The following SPATA3 variants were observed in gnomAD, a reference collection of about 807,000 sequenced individuals.
The protein encoded by SPATA3 is spermatogenesis associated 3.
Under a neutral mutation model 5.7 loss-of-function variants are expected in SPATA3, and 6 were observed. The ratio of observed to expected loss-of-function variants is 1.06; its 90% CI spans 0.58 to 2.09. SPATA3 has a LOEUF of 2.09. Ranked by LOEUF, SPATA3 falls within the 30% of genes most tolerant of loss-of-function variation. SPATA3 has a pLI of 0.00. For missense variants in SPATA3, 155 were observed against 130.4 expected, an observed-to-expected ratio of 1.19 and a Z score of -0.92; for synonymous variants, 44 against 48.4, an observed-to-expected ratio of 0.91 and a Z score of 0.37.
At chr2:231,014,457 G>A (rs959399320) in intron 6 of SPATA3, among the ~76,000 whole-genome samples, 6 of 152,234 alleles carry the variant, frequency 3.9e-5, no homozygotes, top group African/African-American at 9.6e-5. Flanking sequence ...TATGCACTGC[G>A]ACTCACCCTC....
At chr2:231,006,001 A>C (rs1275283833), downstream of SPATA3, among the ~76,000 whole-genome samples, 2 of 14,442 alleles carry the variant, frequency 1.4e-4, no homozygotes, top group Non-Finnish European at 2.6e-4. Context: ...TTGTCTCTAC[A>C]AAAAAAAAAA....
intron 6 of SPATA3, among the ~76,000 whole-genome samples, chr2:231,015,791 C>G (rs1159361161): frequency 6.6e-6 from 1 of 152,238 alleles, no homozygotes; most frequent in East Asian, 1.9e-4. Context: ...CATTCACAAG[C>G]TCCAAGGCCT....
At chr2:231,007,601 C>T (rs1692673397), downstream of SPATA3, among the ~76,000 whole-genome samples, 1 of 152,218 alleles carries the variant, frequency 6.6e-6, no homozygotes, top group Non-Finnish European at 1.5e-5. Context: ...AGGAATGTGC[C>T]GGTTCGCCTC....
intron 6 of SPATA3, among the ~76,000 whole-genome samples, chr2:231,019,480 C>T (rs1025997456): frequency 8.0e-5 from 12 of 149,118 alleles, no homozygotes; most frequent in Non-Finnish European, 1.0e-4. Context: ...CCTGCCACCA[C>T]GCCTGGCTAA....
intron 1 of SPATA3, chr2:230,996,434 A>C: frequency 6.4e-7 from 1 of 1,552,372 alleles, no homozygotes; most frequent in Non-Finnish European, 8.7e-7. Flanking sequence ...CCCGGCAGCC[A>C]GCATTCCAAG....
At chr2:231,011,449 C>T (rs918739419), downstream of SPATA3, among the ~76,000 whole-genome samples, 1 of 152,144 alleles carries the variant, frequency 6.6e-6, no homozygotes, top group African/African-American at 2.4e-5. Flanking sequence ...AGTGATCCAT[C>T]GAAGTGCAGA....
downstream of SPATA3, among the ~76,000 whole-genome samples, chr2:231,010,320 C>T (rs145710923): frequency 1.3e-5 from 2 of 152,196 alleles, no homozygotes; most frequent in Admixed American, 6.5e-5. Flanking sequence ...ACAAAAGGGT[C>T]GGATCTAATG....
At chr2:231,000,647 C>T (rs1305626641) in intron 2 of SPATA3, 110 bp downstream of exon 2, 113 of 1,134,898 alleles carry the variant, frequency 1.0e-4, no homozygotes, top group Non-Finnish European at 1.3e-4. Flanking sequence ...AATCCCAGGC[C>T]GAAGGAAAGC....
In SPATA3 at chr2:230,999,851, G is replaced by A. The variant is rs115469027; in HGVS notation, c.791-515G>A. The A allele has an allele frequency of 6.3e-3, 1,061 of 168,682 alleles. 8 individuals carry two copies. The highest frequency in any genetic ancestry group is 0.022 in the African/African-American group (918 of 41,604). The allele number at this position is 168,682 out of a possible 1,614,324, so 10.4% of individuals were successfully genotyped here. On this transcript the variant is annotated intron_variant, in intron 1 of 2. Transcript: ENST00000645363. ...AAATTCCATTTTCACTGAATTAAAC[G>A]TGAGAAAGCCTGAGTTGAGAAAGCC...
At chr2:231,017,733 G>T (rs1001917870) in intron 6 of SPATA3, among the ~76,000 whole-genome samples, 1 of 152,164 alleles carries the variant, frequency 6.6e-6, no homozygotes, top group Non-Finnish European at 1.5e-5. Flanking sequence ...TATTCAGAGG[G>T]GCTGCAGACA....
chr2:231,005,643 ACATCAC>A (rs1229159629), downstream of SPATA3, among the ~76,000 whole-genome samples: 1 of 61,214 alleles, frequency 1.6e-5, no homozygotes, highest in African/African-American at 6.1e-5. Context: ...ATCACCATCA[ACATCAC>A]CATCACCATC....
intron 2 of SPATA3, among the ~76,000 whole-genome samples, chr2:231,001,580 A>G (rs577312727): frequency 8.1e-4 from 124 of 152,276 alleles, no homozygotes; most frequent in Middle Eastern, 3.4e-3. Context: ...CCGTCAAGGA[A>G]AGGTCTGCCT....
chr2:230,997,794 C>T (rs1462900513), intron 1 of SPATA3, among the ~76,000 whole-genome samples: 1 of 152,232 alleles, frequency 6.6e-6, no homozygotes, highest in Non-Finnish European at 1.5e-5. Context: ...GTTTATACTA[C>T]TAACAATAAT....
chr2:231,008,294 C>A (rs1692692620), downstream of SPATA3, among the ~76,000 whole-genome samples: 1 of 152,208 alleles, frequency 6.6e-6, no homozygotes, highest in Admixed American at 6.5e-5. Flanking sequence ...CAAAGAAGTG[C>A]AGATGCGAGG....
downstream of SPATA3, among the ~76,000 whole-genome samples, chr2:231,005,556 C>T (rs200701904): frequency 7.2e-5 from 5 of 69,806 alleles, no homozygotes; most frequent in African/African-American, 1.6e-4. Flanking sequence ...ATCACCACCA[C>T]CATCATCACC....
chr2:231,002,720 G>C, exon 3 of SPATA3: 1 of 1,530,864 alleles, frequency 6.5e-7, no homozygotes, highest in Non-Finnish European at 8.8e-7. Flanking sequence ...ATCGTAACGC[G>C]TGTCCTCCAA....
At chr2:231,014,748 T>G (rs13022941) in intron 6 of SPATA3, among the ~76,000 whole-genome samples, 66,222 of 151,822 alleles carry the variant, frequency 0.44, 15,571 homozygotes, top group African/African-American at 0.59. Context: ...TGTGTGTTTG[T>G]AGAGGGTGAG....
exon 3 of SPATA3, chr2:231,002,761 G>C: frequency 3.3e-6 from 5 of 1,525,076 alleles, no homozygotes; most frequent in Non-Finnish European, 4.4e-6. Flanking sequence ...GGCTCTGGGG[G>C]CTCTAGGAGC....
chr2:230,997,801 T>C (rs960065606), intron 1 of SPATA3, among the ~76,000 whole-genome samples: 1 of 152,222 alleles, frequency 6.6e-6, no homozygotes, highest in Admixed American at 6.5e-5. Context: ...CTACTAACAA[T>C]AATGGTGATA....
Sources: allele counts gnomAD v4.1 joint callset (sites outside exome capture counted in the v4.1 genomes callset), GRCh38; gene constraint gnomAD v4.1.1; transcripts MANE v1.5; gene names NCBI Gene and HGNC (gene_info 2026-07-23, HGNC 2026-07-21).